NXN: variants seen among roughly 807,000 people sequenced by gnomAD.
NXN encodes nucleoredoxin 1.
In NXN, 16 loss-of-function variants were observed where a neutral mutation model predicts 48.6. That is an observed-to-expected ratio of 0.33 (90% CI 0.22 to 0.50). NXN has a LOEUF of 0.50. Ranked by LOEUF, NXN falls within the 20% of genes least tolerant of loss-of-function variation. NXN has a pLI of 0.98. For synonymous variants in NXN, 281 were observed against 269.6 expected (o/e 1.04, Z -0.41); for missense variants, 492 against 605.5 (o/e 0.81, Z 1.97).
rs941494367 is a variant in NXN at position 860,058 on chromosome 17, G to A, written c.361-33980C>T. Among the ~76,000 whole-genome samples the A allele has an allele frequency of 3.9e-5, 6 of 152,026 alleles. No individual in the cohort carries two copies. The South Asian group carries it at 6.2e-4, about 16-fold the overall frequency. On this transcript the variant is annotated intron_variant, in intron 1 of 7. Transcript: ENST00000336868. ...GAAGCTAAGGAAAACGCTCACTCCC[G>A]GCAGTGAAAGTGAGCCTTCTCTTTG...
chr17:841,547 C>CCACA lies in NXN; in HGVS notation c.361-15470_361-15469insTGTG, dbSNP rs1567827849. Reference sequence around the variant, plus strand: ...CCCCCGACCATGGAGCATCTCACGCCGGCGAGCAGGTCCCCCCTGACCACG... The same window carrying CCACA: ...CCCCCGACCATGGAGCATCTCACGCCCACAGGCGAGCAGGTCCCCCCTGACCACG... On this transcript the variant is annotated intron_variant, in intron 1 of 7. Transcript: ENST00000336868. Among the ~76,000 whole-genome samples, 22 of 34,888 alleles carry CCACA rather than the reference C, an allele frequency of 6.3e-4. 1 individual carries two copies. The highest frequency in any genetic ancestry group is 2.1e-3 in the East Asian group (1 of 480). The allele number at this position is 34,888 out of a possible 152,430, so 22.9% of individuals were successfully genotyped here.
chr17:935,776 G>C (rs1361864273), intron 1 of NXN, among the ~76,000 whole-genome samples: 1 of 152,064 alleles, frequency 6.6e-6, no homozygotes, highest in Non-Finnish European at 1.5e-5. Flanking sequence ...TACCATGCCA[G>C]CCACATCCTT....
intron 1 of NXN, among the ~76,000 whole-genome samples, chr17:913,489 C>T (rs771554478): frequency 5.9e-5 from 9 of 152,188 alleles, no homozygotes; most frequent in Admixed American, 6.5e-5. Context: ...CTCCTCAACA[C>T]GACAGACAGA....
At chr17:871,104 G>A (rs573641932) in intron 1 of NXN, among the ~76,000 whole-genome samples, 110 of 151,856 alleles carry the variant, frequency 7.2e-4, no homozygotes, top group African/African-American at 1.9e-3. Context: ...CTCGTGATCC[G>A]CCCACCTCGG....
At position 805,134 on chromosome 17, in the gene NXN, C is replaced by G. The variant is rs374139460; in HGVS notation, c.934G>C (p.Val312Leu). ...GCGTTGGAGTCGGAGAGCTCCAGCA[C>G]GGGCTTGGGGTGCCAGGGGAACTCC... ...CREFPWHPKPVLELSDSNAAQ... is the reference protein window; with the variant it reads ...CREFPWHPKPLLELSDSNAAQ... Residue 312 changes from valine (V) to leucine (L), a missense_variant, in exon 6 of 8, where the codon GTG (valine) becomes CTG (leucine). Val to Leu is a conservative substitution (Grantham distance 32, BLOSUM62 1). Coordinates refer to ENST00000336868, the MANE Select transcript of NXN (RefSeq NM_022463.5). 2.0e-5 allele frequency: 32 copies of G among 1,609,992 alleles called. No homozygotes were observed. Among genetic ancestry groups the G allele is most frequent in the Non-Finnish European group, 2.6e-5 (31 of 1,178,808 alleles).
At chr17:946,666 C>T (rs374044898) in intron 1 of NXN, among the ~76,000 whole-genome samples, 10 of 152,286 alleles carry the variant, frequency 6.6e-5, no homozygotes, top group East Asian at 1.9e-4. Flanking sequence ...CCGTTAGCCT[C>T]GGCGCCTCAC....
At chr17:848,115 T>G (rs2067884792) in intron 1 of NXN, among the ~76,000 whole-genome samples, 2 of 151,660 alleles carry the variant, frequency 1.3e-5, no homozygotes, top group Admixed American at 1.3e-4. Flanking sequence ...ACGATTCATT[T>G]CCAATTACTG....
rs1210731136 is a variant in NXN, at chr17:919,080, T to A, written c.360+60239A>T. On this transcript the variant is annotated intron_variant, in intron 1 of 7. Coordinates refer to ENST00000336868, the MANE Select transcript of NXN (RefSeq NM_022463.5). The surrounding 1 kb of genome is among the most constrained non-coding windows in gnomAD (Gnocchi z 5.1). ...ACCCTATTGCTTTAAAAAAAAAAAATGTTTCAGCCAGGCTCGGTGGCTCAC... is the reference window on the plus strand; with the variant it reads ...ACCCTATTGCTTTAAAAAAAAAAAAAGTTTCAGCCAGGCTCGGTGGCTCAC... Among the ~76,000 whole-genome samples the A allele has an allele frequency of 3.0e-4, 45 of 147,590 alleles. No homozygotes were observed. Among genetic ancestry groups the A allele is most frequent in the African/African-American group, 1.0e-3 (40 of 39,404 alleles).
chr17:930,453 C>G (rs928248356), intron 1 of NXN: 1 of 151,550 alleles, frequency 6.6e-6, no homozygotes, highest in Admixed American at 6.6e-5. Context: ...AAAAAAAATA[C>G]CACTTGAACT....
intron 1 of NXN, among the ~76,000 whole-genome samples, chr17:904,250 G>A (rs529377735): frequency 2.0e-5 from 3 of 152,112 alleles, no homozygotes; most frequent in South Asian, 4.2e-4. Context: ...GGTTGTAAGC[G>A]GGCCTTGCTG....
chr17:826,331 G>A (rs566410356), intron 1 of NXN, among the ~76,000 whole-genome samples: 6 of 152,210 alleles, frequency 3.9e-5, no homozygotes, highest in East Asian at 1.9e-4. Flanking sequence ...CGGGGTCTGC[G>A]ACAGTGTGGG....
At chr17:895,795 G>GCGGCAGAGCGAGAC in intron 1 of NXN, among the ~76,000 whole-genome samples, 1 of 120,360 alleles carries the variant, frequency 8.3e-6, no homozygotes, top group South Asian at 2.7e-4. Context: ...TCCAGCCTGG[G>GCGGCAGAGCGAGAC]TTTTGTTTGT....
At chr17:851,402 C>G (rs552028536) in intron 1 of NXN, among the ~76,000 whole-genome samples, 3 of 152,238 alleles carry the variant, frequency 2.0e-5, no homozygotes, top group Admixed American at 2.0e-4. Flanking sequence ...GGACGGGAAG[C>G]AGAGGGGCTG....
chr17:979,470 G>A lies in NXN; in HGVS notation c.209C>T (p.Pro70Leu). 1 of 1,180,630 alleles carries A rather than the reference G, an allele frequency of 8.5e-7. No individual in the cohort carries two copies. Among genetic ancestry groups the A allele is most frequent in the Non-Finnish European group, 1.0e-6 (1 of 955,378 alleles). 73.1% of individuals were successfully genotyped at this position (1,180,630 alleles called of 1,614,324 possible). ...LRGDAAAGPG[P>L]GAGAGAAAEP... ...CGCCGCCGCCCCGGCCCCCGCTCCC[G>A]GCCCCGGCCCGGCCGCCGCGTCCCC... Residue 70 changes from proline (P) to leucine (L), a missense_variant, in exon 1 of 8, where the codon CCG becomes CTG. Physicochemically the swap from Pro to Leu is moderately conservative, Grantham distance 98. Around this residue, in one of 3 missense-constraint regions of NXN, gnomAD observed 186 missense variants for 199.1 expected, o/e 0.93. Coordinates refer to ENST00000336868, the MANE Select transcript of NXN (RefSeq NM_022463.5).
chr17:933,277 C>T (rs12944258), intron 1 of NXN: 16,253 of 152,010 alleles, frequency 0.11, 1,066 homozygotes, highest in Middle Eastern at 0.24. Flanking sequence ...GAGAAGAGCT[C>T]GGCCAGAGGA....
intron 5 of NXN, among the ~76,000 whole-genome samples, chr17:813,418 C>G (rs936132883): frequency 5.3e-5 from 8 of 152,232 alleles, no homozygotes; most frequent in African/African-American, 1.9e-4. Context: ...GGACAGGGCA[C>G]CACAAATAGG....
intron 1 of NXN, among the ~76,000 whole-genome samples, chr17:885,549 C>A (rs1389054934): frequency 2.6e-5 from 4 of 151,818 alleles, no homozygotes; most frequent in Non-Finnish European, 4.4e-5. Flanking sequence ...TCTAGTCTTT[C>A]ATTTCTCATA....
chr17:810,967 G>T (rs1911962315), intron 5 of NXN, among the ~76,000 whole-genome samples: 1 of 152,102 alleles, frequency 6.6e-6, no homozygotes, highest in Non-Finnish European at 1.5e-5. Flanking sequence ...CCCTCTTCTG[G>T]TTGAAACATG....
intron 1 of NXN, among the ~76,000 whole-genome samples, chr17:886,502 C>T (rs1485795200): frequency 6.6e-6 from 1 of 152,182 alleles, no homozygotes; most frequent in Non-Finnish European, 1.5e-5. Context: ...CGTTGGCCGG[C>T]GCGGTGGCTC....
Sources: gnomAD v4.1 joint callset for allele counts (sites outside exome capture counted in the v4.1 genomes callset) on GRCh38, gnomAD v4.1.1 for gene constraint, gnomAD v4.1.1 regional missense constraint, Gnocchi (gnomAD v3.1) non-coding constraint, MANE v1.5 for transcripts, NCBI Gene and HGNC (gene_info 2026-07-23, HGNC 2026-07-21) for gene names.